NCOR2: variants seen among roughly 807,000 people sequenced by gnomAD.
The protein encoded by NCOR2 is nuclear receptor corepressor 2, also known as CTG repeat protein 26.
Under a neutral mutation model 262.9 loss-of-function variants are expected in NCOR2, and 81 were observed. That is an observed-to-expected ratio of 0.31 (90% confidence interval 0.26 to 0.37). The LOEUF is 0.37. Among genes scored for constraint, NCOR2 ranks in the 10% least tolerant of loss-of-function variants. The pLI is 1.00. For synonymous variants in NCOR2, 1,659 were observed against 1,559.3 expected (o/e 1.06, Z -1.51); for missense variants, 3,385 against 3,621.4 (o/e 0.93, Z 1.68).
intron 5 of NCOR2, among the ~76,000 whole-genome samples, chr12:124,461,508 G>A (rs1367783445): frequency 6.6e-6 from 1 of 152,246 alleles, no homozygotes; most frequent in Admixed American, 6.5e-5. Context: ...GGGCACACAA[G>A]TCCTTAGTCA....
intron 6 of NCOR2, among the ~76,000 whole-genome samples, chr12:124,450,841 C>CA (rs1294730617): frequency 6.6e-6 from 1 of 152,228 alleles, no homozygotes; most frequent in Non-Finnish European, 1.5e-5. Flanking sequence ...TTACTTATTC[C>CA]ATCTGTGCCT....
upstream of NCOR2, among the ~76,000 whole-genome samples, chr12:124,539,939 A>G (rs566367085): frequency 6.6e-6 from 1 of 152,184 alleles, no homozygotes; most frequent in Non-Finnish European, 1.5e-5. This position sits in a 1 kb window ranked among gnomAD's most constrained non-coding sequence, Gnocchi z 5.1. Context: ...CAGCTGCAAG[A>G]GGCAGAGCCA....
At chr12:124,449,707 C>T in intron 7 of NCOR2, 108 bp downstream of exon 9, 1 of 1,351,902 alleles carries the variant, frequency 7.4e-7, no homozygotes, top group African/African-American at 1.4e-5. Flanking sequence ...TGGCCGGGAG[C>T]CCCTGATGGG....
At chr12:124,460,856 C>T (rs2046124753) in intron 5 of NCOR2, among the ~76,000 whole-genome samples, 1 of 152,264 alleles carries the variant, frequency 6.6e-6, no homozygotes, top group African/African-American at 2.4e-5. Context: ...TCCTCGGCCC[C>T]TTTGGGGGCC....
At chr12:124,506,765 A>T (rs1033900079) in intron 1 of NCOR2, among the ~76,000 whole-genome samples, 2 of 152,174 alleles carry the variant, frequency 1.3e-5, no homozygotes, top group African/African-American at 4.8e-5. Context: ...GAGGAGTCAG[A>T]GAGGAGGCTG....
intron 16 of NCOR2, among the ~76,000 whole-genome samples, chr12:124,391,027 T>C (rs1040930940): frequency 1.3e-5 from 2 of 152,212 alleles, no homozygotes; most frequent in African/African-American, 2.4e-5. Context: ...CCACATGCCA[T>C]CCGCGGGCCC....
chr12:124,392,457 G>A (rs2041373425), intron 16 of NCOR2, among the ~76,000 whole-genome samples: 1 of 152,128 alleles, frequency 6.6e-6, no homozygotes. Flanking sequence ...GAGCCCCGAG[G>A]CACCGCACCG....
chr12:124,526,256 G>A (rs2050462049), intron 1 of NCOR2, among the ~76,000 whole-genome samples: 1 of 152,132 alleles, frequency 6.6e-6, no homozygotes. Context: ...TGACAGTGAG[G>A]GGCAGGGAGA....
Position 124,359,111 on chromosome 12 carries a change from C to T in NCOR2, c.3101-2329G>A, listed in dbSNP as rs557395022. Among the ~76,000 whole-genome samples the T allele has an allele frequency of 3.3e-5, 5 of 152,302 alleles. No individual in the cohort carries two copies. In the South Asian group the frequency reaches 6.2e-4, roughly 19 times the overall value. On this transcript the variant is annotated intron_variant, in intron 22 of 46. Coordinates refer to ENST00000405201, the Ensembl canonical transcript of NCOR2. ...ACTCAGCGGGGCCCCGGGGCTCAGG[C>T]CTGGCTTCATGGCATCTTCCTGCTG...
chr12:124,335,399 C>G, intron 39 of NCOR2, 84 bp downstream of exon 41: 3 of 1,524,760 alleles, frequency 2.0e-6, no homozygotes, highest in South Asian at 1.2e-5. Context: ...CTTTAGGCAC[C>G]TCTGTTTTCC....
intron 4 of NCOR2, among the ~76,000 whole-genome samples, chr12:124,470,355 A>G (rs555853476): frequency 1.3e-5 from 2 of 152,302 alleles, no homozygotes; most frequent in South Asian, 4.1e-4. Flanking sequence ...GCTCCTAGGT[A>G]TACACCCATG....
At chr12:124,392,720 GT>G (rs2041397230) in intron 16 of NCOR2, among the ~76,000 whole-genome samples, 1 of 151,474 alleles carries the variant, frequency 6.6e-6, no homozygotes, top group South Asian at 2.1e-4. Context: ...AGTGGAGGAG[GT>G]CCTGCTCTCC....
At position 124,494,188 on chromosome 12, in the gene NCOR2, A is replaced by T. The variant is rs115855448; in HGVS notation, c.105+959T>A. Among the ~76,000 whole-genome samples, 532 of 152,136 alleles carry T rather than the reference A, an allele frequency of 3.5e-3. 5 individuals carry two copies. Among genetic ancestry groups the T allele is most frequent in the African/African-American group, 0.013 (521 of 41,462 alleles). ...CCACACAGCTTCCTTTCTGGTTCTC[A>T]CAAGAGGGGACCACACCAGCCAGGC... On this transcript the variant is annotated intron_variant, in intron 1 of 46. Transcript: ENST00000405201.
At chr12:124,406,592 C>T (rs567781408) in intron 13 of NCOR2, among the ~76,000 whole-genome samples, 2 of 152,322 alleles carry the variant, frequency 1.3e-5, no homozygotes, top group East Asian at 3.9e-4. Flanking sequence ...CAAAGGACCC[C>T]GCCCTCGTGG....
chr12:124,431,845 A>T (rs1311057484), intron 8 of NCOR2, among the ~76,000 whole-genome samples: 1 of 151,704 alleles, frequency 6.6e-6, no homozygotes, highest in Admixed American at 6.6e-5. Flanking sequence ...AGGCAGACAG[A>T]CAGTCATATA....
At chr12:124,402,061 G>C (rs954231873) in intron 14 of NCOR2, among the ~76,000 whole-genome samples, 5 of 152,220 alleles carry the variant, frequency 3.3e-5, no homozygotes, top group African/African-American at 1.2e-4. Flanking sequence ...GCCTCAGGAG[G>C]AAAGAGCGGG....
At chr12:124,479,559 GCACA>G (rs748968222) in intron 3 of NCOR2, among the ~76,000 whole-genome samples, 88 of 151,854 alleles carry the variant, frequency 5.8e-4, no homozygotes, top group African/African-American at 1.9e-3. Context: ...ACACAAACGC[GCACA>G]CACACGCACG....
chr12:124,374,582 G>T, intron 18 of NCOR2, 119 bp from the exon 21 acceptor site: 1 of 940,522 alleles, frequency 1.1e-6, no homozygotes, highest in Non-Finnish European at 1.7e-6. Context: ...AGGCCTCGCT[G>T]CTGCTCGCTC....
chr12:124,358,279 ATGTG>A (rs1319860597), intron 22 of NCOR2, among the ~76,000 whole-genome samples: 43 of 137,080 alleles, frequency 3.1e-4, no homozygotes, highest in Admixed American at 7.3e-4. Context: ...GTAACCTGTG[ATGTG>A]TGTATGTGCA....
Sources: allele counts gnomAD v4.1 joint callset (sites outside exome capture counted in the v4.1 genomes callset), GRCh38; gene constraint gnomAD v4.1.1; non-coding constraint Gnocchi (gnomAD v3.1); transcripts MANE v1.5; gene names NCBI Gene and HGNC (gene_info 2026-07-23, HGNC 2026-07-21).